Variants in RALYL observed in about 807,000 individuals in gnomAD.
RALYL encodes the protein RALY RNA binding protein like, also known as RNA-binding Raly-like protein.
In RALYL, 29 loss-of-function variants were observed where a neutral mutation model predicts 35.1. The observed-to-expected ratio is 0.83, with a 90% CI of 0.61 to 1.13. RALYL has a LOEUF of 1.13. Among genes scored for constraint, RALYL ranks in the 50% most tolerant of loss-of-function variants. The pLI is 0.00. For synonymous variants in RALYL, 120 were observed against 127.6 expected, an observed-to-expected ratio of 0.94 and a Z score of 0.40; for missense variants, 359 against 360.4, an observed-to-expected ratio of 1.00 and a Z score of 0.03.
chr8:84,278,408 G>A (rs1563657194), intron 1 of RALYL, among the ~76,000 whole-genome samples: 1 of 152,238 alleles, frequency 6.6e-6, no homozygotes, highest in Non-Finnish European at 1.5e-5. Flanking sequence ...GGGAGGAGCT[G>A]CCATGAAGGT....
At chr8:84,496,918 A>G (rs988771063) in intron 1 of RALYL, among the ~76,000 whole-genome samples, 1 of 152,170 alleles carries the variant, frequency 6.6e-6, no homozygotes, top group African/African-American at 2.4e-5. Context: ...ATGCAAGAAA[A>G]CAGAAATATC....
intron 4 of RALYL, among the ~76,000 whole-genome samples, chr8:84,847,256 G>A (rs1253758636): frequency 6.6e-6 from 1 of 152,132 alleles, no homozygotes; most frequent in African/African-American, 2.4e-5. Flanking sequence ...TTATAGCTAG[G>A]ATCCCAGAGG....
intron 1 of RALYL, among the ~76,000 whole-genome samples, chr8:84,505,462 T>C (rs1226473684): frequency 6.6e-6 from 1 of 151,780 alleles, no homozygotes; most frequent in African/African-American, 2.4e-5. Flanking sequence ...CAACAATAAA[T>C]TGTGTTATTT....
intron 2 of RALYL, among the ~76,000 whole-genome samples, chr8:84,610,095 T>A (rs1162070471): frequency 6.6e-6 from 1 of 152,126 alleles, no homozygotes; most frequent in Non-Finnish European, 1.5e-5. Flanking sequence ...AGATGAGATT[T>A]GGGTAGGGAC....
At chr8:84,641,515 TA>T (rs1202780688) in intron 2 of RALYL, among the ~76,000 whole-genome samples, 5 of 151,830 alleles carry the variant, frequency 3.3e-5, no homozygotes, top group Admixed American at 6.6e-5. Flanking sequence ...TTTTAAGATT[TA>T]AAATTATACA....
At chr8:84,377,668 T>G (rs915449663) in intron 1 of RALYL, among the ~76,000 whole-genome samples, 1 of 151,612 alleles carries the variant, frequency 6.6e-6, no homozygotes, top group Non-Finnish European at 1.5e-5. Context: ...GAAGACTCAG[T>G]ATTTTATCCA....
At chr8:84,753,855 A>G (rs889432211) in intron 2 of RALYL, among the ~76,000 whole-genome samples, 51 of 152,290 alleles carry the variant, frequency 3.3e-4, no homozygotes, top group African/African-American at 1.1e-3. Context: ...AGAATATCTC[A>G]TAGTGGTTTT....
At chr8:84,398,444 T>C (rs1203407240) in intron 1 of RALYL, among the ~76,000 whole-genome samples, 3 of 152,180 alleles carry the variant, frequency 2.0e-5, no homozygotes, top group Admixed American at 1.3e-4. Context: ...CTTCTTTCAA[T>C]AAATATTGTG....
intron 1 of RALYL, among the ~76,000 whole-genome samples, chr8:84,287,454 A>G (rs1837868422): frequency 6.6e-6 from 1 of 151,952 alleles, no homozygotes; most frequent in South Asian, 2.1e-4. Context: ...CATGATCTGA[A>G]ATCCTCAAGG....
At chr8:84,700,521 T>A (rs1209206103) in intron 2 of RALYL, among the ~76,000 whole-genome samples, 4 of 152,030 alleles carry the variant, frequency 2.6e-5, no homozygotes, top group Non-Finnish European at 5.9e-5. Flanking sequence ...TTAGCAACAG[T>A]CAAGAATAAA....
chr8:84,553,692 C>T (rs2060904749), intron 2 of RALYL, among the ~76,000 whole-genome samples: 1 of 151,744 alleles, frequency 6.6e-6, no homozygotes, highest in Admixed American at 6.6e-5. Context: ...TCTAAAGTAA[C>T]ATTTTCTTAT....
chr8:84,512,112 C>T (rs892356414), intron 1 of RALYL, among the ~76,000 whole-genome samples: 49 of 152,192 alleles, frequency 3.2e-4, no homozygotes, highest in African/African-American at 1.1e-3. Context: ...CTTGAGAAAT[C>T]TCTGTACTAT....
At chr8:84,748,006 G>T (rs1045185066) in intron 2 of RALYL, among the ~76,000 whole-genome samples, 1 of 151,934 alleles carries the variant, frequency 6.6e-6, no homozygotes, top group Non-Finnish European at 1.5e-5. Context: ...AGTTTTGTAA[G>T]TTGGTGAATC....
chr8:84,609,786 C>T (rs1475180159), intron 2 of RALYL, among the ~76,000 whole-genome samples: 2 of 152,096 alleles, frequency 1.3e-5, no homozygotes, highest in African/African-American at 4.8e-5. Flanking sequence ...CTAATAAAAA[C>T]ATACCTGAGA....
chr8:84,605,161 A>AG (rs1031487686), intron 2 of RALYL, among the ~76,000 whole-genome samples: 12 of 152,134 alleles, frequency 7.9e-5, no homozygotes, highest in Non-Finnish European at 1.2e-4. Flanking sequence ...AATGTGAAAT[A>AG]GGGGGTAAGA....
chr8:84,875,996 C>T (rs1841058492), intron 7 of RALYL, among the ~76,000 whole-genome samples: 1 of 152,124 alleles, frequency 6.6e-6, no homozygotes, highest in East Asian at 1.9e-4. Context: ...GGACACACAA[C>T]ATGGGCTGTG....
intron 2 of RALYL, among the ~76,000 whole-genome samples, chr8:84,537,191 C>T (rs1008279566): frequency 2.0e-5 from 3 of 149,582 alleles, no homozygotes; most frequent in Admixed American, 2.0e-4. Context: ...ATTCACGGGC[C>T]GGGCGCAGTG....
At chr8:84,231,209 A>G (rs1246850568) in intron 1 of RALYL, among the ~76,000 whole-genome samples, 3 of 152,200 alleles carry the variant, frequency 2.0e-5, no homozygotes, top group African/African-American at 4.8e-5. Flanking sequence ...AGCTGAGACT[A>G]GAAGATAAAG....
chr8:84,261,585 C>G (rs1028609523), intron 1 of RALYL, among the ~76,000 whole-genome samples: 1 of 152,080 alleles, frequency 6.6e-6, no homozygotes, highest in Non-Finnish European at 1.5e-5. Context: ...AGTCTCAGGC[C>G]GTTCTTTATA....
Sources: allele counts gnomAD v4.1 joint callset (sites outside exome capture counted in the v4.1 genomes callset), GRCh38; gene constraint gnomAD v4.1.1; transcripts MANE v1.5; gene names NCBI Gene and HGNC (gene_info 2026-07-23, HGNC 2026-07-21).